The following EPHA6 variants were observed in gnomAD, a reference collection of about 807,000 sequenced individuals.
The protein encoded by EPHA6 is EPH receptor A6, also known as ephrin type-A receptor 6.
Under a neutral mutation model 112.0 loss-of-function variants are expected in EPHA6, and 50 were observed. The observed-to-expected ratio is 0.45, with a 90% CI of 0.36 to 0.56. The LOEUF is 0.56. Among genes scored for constraint, EPHA6 ranks in the 20% least tolerant of loss-of-function variants. The pLI is 0.00. For synonymous variants in EPHA6, 529 were observed against 490.7 expected (o/e 1.08, Z -1.03); for missense variants, 1,280 against 1,417.4 (o/e 0.90, Z 1.56).
chr3:97,062,763 C>T (rs113901778), intron 3 of EPHA6, among the ~76,000 whole-genome samples: 1,649 of 152,238 alleles, frequency 0.011, 23 homozygotes, highest in Non-Finnish European at 0.016. Context: ...TGCGTTTCAC[C>T]TTCCACCATG....
intron 5 of EPHA6, among the ~76,000 whole-genome samples, chr3:97,338,735 T>C (rs2083171835): frequency 6.6e-6 from 1 of 152,180 alleles, no homozygotes; most frequent in South Asian, 2.1e-4. Context: ...AGTGAGAGTG[T>C]TAGTTGCATT....
chr3:96,943,494 A>G (rs1214682187), intron 2 of EPHA6, among the ~76,000 whole-genome samples: 3 of 152,204 alleles, frequency 2.0e-5, no homozygotes, highest in Non-Finnish European at 4.4e-5. Context: ...TTGAAAGTGT[A>G]GTGACTCTGT....
chr3:97,456,978 T>G (rs1426252884), intron 7 of EPHA6, among the ~76,000 whole-genome samples: 3 of 152,230 alleles, frequency 2.0e-5, no homozygotes, highest in Admixed American at 6.5e-5. Flanking sequence ...AAATCAGCTT[T>G]ATTGACTTGT....
rs1037631174 is a variant in EPHA6, at chr3:97,754,740, G to A, written c.*6039G>A. Among the ~76,000 whole-genome samples, 5 of 152,130 alleles carry A rather than the reference G, an allele frequency of 3.3e-5. No homozygotes were observed. The highest frequency in any genetic ancestry group is 7.4e-5 in the Non-Finnish European group (5 of 68,000). ...TATTTTTGAGACGGAGTCTCGCTCT[G>A]TCGCCTAGGCTGGAGTGCAGTGGCG... On this transcript the variant is annotated 3_prime_UTR_variant, in exon 18 of 18. Coordinates refer to ENST00000389672, the MANE Select transcript of EPHA6 (RefSeq NM_001080448.3).
At chr3:97,728,892 G>A (rs898544274) in intron 15 of EPHA6, among the ~76,000 whole-genome samples, 23 of 152,078 alleles carry the variant, frequency 1.5e-4, no homozygotes, top group African/African-American at 5.6e-4. Flanking sequence ...TAACATATGA[G>A]AGTCCTACAT....
intron 2 of EPHA6, among the ~76,000 whole-genome samples, chr3:96,920,387 C>A (rs2039696265): frequency 6.6e-6 from 1 of 151,798 alleles, no homozygotes; most frequent in Non-Finnish European, 1.5e-5. Context: ...GGGAAAGTAG[C>A]AAAAAATATT....
intron 5 of EPHA6, among the ~76,000 whole-genome samples, chr3:97,315,555 A>G (rs2081785418): frequency 6.6e-6 from 1 of 151,706 alleles, no homozygotes; most frequent in Admixed American, 6.6e-5. Flanking sequence ...AAATAATTTG[A>G]AATATAGGAG....
At chr3:97,379,357 TAGG>T (rs1264154042) in intron 5 of EPHA6, among the ~76,000 whole-genome samples, 1 of 152,070 alleles carries the variant, frequency 6.6e-6, no homozygotes, top group East Asian at 1.9e-4. Context: ...GCTTCAGAAC[TAGG>T]AGAAATAACA....
At chr3:97,550,493 A>T (rs2093014843) in intron 11 of EPHA6, among the ~76,000 whole-genome samples, 1 of 152,188 alleles carries the variant, frequency 6.6e-6, no homozygotes, top group Non-Finnish European at 1.5e-5. Context: ...AACCCAACTA[A>T]TGAATCAAGG....
chr3:97,031,034 G>C (rs1260623869), intron 3 of EPHA6, among the ~76,000 whole-genome samples: 2 of 152,014 alleles, frequency 1.3e-5, no homozygotes, highest in African/African-American at 4.8e-5. Flanking sequence ...AGGAGTGACT[G>C]TGAAAATTTG....
At chr3:97,275,532 C>G (rs986376853) in intron 5 of EPHA6, among the ~76,000 whole-genome samples, 1 of 151,946 alleles carries the variant, frequency 6.6e-6, no homozygotes, top group Non-Finnish European at 1.5e-5. Context: ...GGGTTTGGCA[C>G]GACGGGGTGG....
At chr3:97,300,401 T>C (rs184105303) in intron 5 of EPHA6, among the ~76,000 whole-genome samples, 2 of 152,300 alleles carry the variant, frequency 1.3e-5, no homozygotes, top group South Asian at 2.1e-4. Context: ...GATATTACTC[T>C]TGACTTTTTT....
At chr3:97,120,366 T>G (rs941845654) in intron 3 of EPHA6, among the ~76,000 whole-genome samples, 14 of 151,218 alleles carry the variant, frequency 9.3e-5, no homozygotes, top group East Asian at 1.9e-4. Context: ...TGATGTGCAG[T>G]TTTTTTTTAA....
intron 6 of EPHA6, among the ~76,000 whole-genome samples, chr3:97,411,502 G>A (rs1312568151): frequency 5.9e-5 from 9 of 152,052 alleles, no homozygotes; most frequent in Non-Finnish European, 5.9e-5. Context: ...TTGGTTTGAA[G>A]AATGTATTTG....
chr3:97,142,158 T>C (rs1265731133), intron 3 of EPHA6, among the ~76,000 whole-genome samples: 3 of 151,990 alleles, frequency 2.0e-5, no homozygotes, highest in Non-Finnish European at 4.4e-5. Flanking sequence ...TCTTGAACAG[T>C]TGTTGATCAA....
rs2046413217 is a variant in EPHA6 at position 97,073,230 on chromosome 3, A to G, written c.1114+85237A>G. 2.0e-5 allele frequency among the ~76,000 whole-genome samples: 3 copies of G among 152,286 alleles called. No individual in the cohort carries two copies. In the South Asian group the frequency reaches 6.2e-4, roughly 32 times the overall value. The stretch of plus-strand genomic sequence containing the variant: ...AAAAATCTATCAGGACAAGGAATCC[A>G]TGGGATCCAAATTGTGTATCTTTCA... On this transcript the variant is annotated intron_variant, in intron 3 of 17. Coordinates refer to ENST00000389672, the MANE Select transcript of EPHA6 (RefSeq NM_001080448.3).
chr3:97,635,939 G>C (rs1208569174), intron 13 of EPHA6, among the ~76,000 whole-genome samples: 1 of 151,970 alleles, frequency 6.6e-6, no homozygotes, highest in African/African-American at 2.4e-5. Context: ...GTTGAGAAGT[G>C]ATTTTTCAGA....
In EPHA6 at chr3:97,750,382, G is replaced by A. The variant is rs1192339158; in HGVS notation, c.*1681G>A. On this transcript the variant is annotated 3_prime_UTR_variant, in exon 18 of 18. Transcript: ENST00000389672. Reference sequence around the variant, plus strand: ...GTTTGTTTGTTTTTGAGACGGAGGCGTTTTGCTCTTGTTGCCCAGGCTGGA... The same window carrying A: ...GTTTGTTTGTTTTTGAGACGGAGGCATTTTGCTCTTGTTGCCCAGGCTGGA... 6.6e-6 allele frequency among the ~76,000 whole-genome samples: 1 copy of A among 151,446 alleles called. No individual in the cohort carries two copies. The highest frequency in any genetic ancestry group is 1.9e-4 in the East Asian group (1 of 5,174).
intron 5 of EPHA6, among the ~76,000 whole-genome samples, chr3:97,289,175 C>G (rs966653894): frequency 6.6e-6 from 1 of 151,982 alleles, no homozygotes; most frequent in Non-Finnish European, 1.5e-5. Context: ...TCCAGAATGG[C>G]ATTTCCTAGG....
Sources: allele counts gnomAD v4.1 joint callset (sites outside exome capture counted in the v4.1 genomes callset), GRCh38; gene constraint gnomAD v4.1.1; transcripts MANE v1.5; gene names NCBI Gene and HGNC (gene_info 2026-07-23, HGNC 2026-07-21).